GARRE1: variants seen among roughly 807,000 people sequenced by gnomAD.
GARRE1 encodes the protein granule associated Rac and RHOG effector 1, also known as granule associated Rac and RHOG effector protein 1.
GARRE1 carries 49 observed loss-of-function variants against 103.2 expected under a neutral mutation model. That is an observed-to-expected ratio of 0.47 (90% confidence interval 0.38 to 0.60). The LOEUF is 0.60. GARRE1 is among the 20% of genes least tolerant of loss of function. The probability of loss-of-function intolerance (pLI) is 0.00; values close to 1 mark genes in which losing one functional copy is unlikely to be tolerated. For missense variants in GARRE1, 1,199 were observed against 1,370.5 expected, an observed-to-expected ratio of 0.87 and a Z score of 1.98; for synonymous variants, 505 against 532.8, an observed-to-expected ratio of 0.95 and a Z score of 0.72.
chr19:34,321,083 G>A (rs1335514663), intron 3 of GARRE1, among the ~76,000 whole-genome samples: 1 of 121,702 alleles, frequency 8.2e-6, no homozygotes, highest in African/African-American at 3.3e-5. Flanking sequence ...TTGAGACGGA[G>A]TCTCGCTCTG....
intron 1 of GARRE1, among the ~76,000 whole-genome samples, chr19:34,286,103 A>G (rs992461867): frequency 3.3e-5 from 5 of 152,228 alleles, no homozygotes; most frequent in African/African-American, 1.2e-4. Flanking sequence ...AAGCCGAGAC[A>G]GGTGGATTGC....
intron 1 of GARRE1, among the ~76,000 whole-genome samples, chr19:34,275,523 A>T (rs1335418229): frequency 1.3e-5 from 2 of 152,028 alleles, no homozygotes; most frequent in African/African-American, 4.8e-5. Context: ...CACTTAGCAT[A>T]ATGTTTTCAA....
chr19:34,312,289 G>A (rs1168318989), intron 2 of GARRE1, among the ~76,000 whole-genome samples: 1 of 152,154 alleles, frequency 6.6e-6, no homozygotes, highest in Non-Finnish European at 1.5e-5. Context: ...TTTTACTGTG[G>A]TAAAATATAT....
chr19:34,351,441 A>T (rs578147857), intron 12 of GARRE1, 73 bp from the exon 13 acceptor site: 1 of 1,137,218 alleles, frequency 8.8e-7, no homozygotes, highest in South Asian at 1.2e-5. Flanking sequence ...GGAGCCTAGC[A>T]CTAGTGTGTA....
intron 1 of GARRE1, among the ~76,000 whole-genome samples, chr19:34,267,473 T>C (rs2145955223): frequency 6.6e-6 from 1 of 152,100 alleles, no homozygotes; most frequent in South Asian, 2.1e-4. Flanking sequence ...CCCAAAGTGC[T>C]GGGATTACAG....
At chr19:34,298,553 A>G (rs2073959618) in intron 1 of GARRE1, among the ~76,000 whole-genome samples, 1 of 151,914 alleles carries the variant, frequency 6.6e-6, no homozygotes, top group Admixed American at 6.6e-5. Context: ...TCTCTACTAA[A>G]AGTACAAAAA....
chr19:34,316,340 A>G (rs973262791), intron 2 of GARRE1, among the ~76,000 whole-genome samples: 5 of 152,260 alleles, frequency 3.3e-5, no homozygotes, highest in African/African-American at 1.2e-4. Context: ...AGCTTCCCCC[A>G]TGTGTTCTGC....
intron 1 of GARRE1, among the ~76,000 whole-genome samples, chr19:34,287,931 A>G (rs1158143552): frequency 1.3e-5 from 2 of 152,234 alleles, no homozygotes; most frequent in Non-Finnish European, 1.5e-5. Context: ...GGAAACATTC[A>G]GTCCGTAACA....
rs2073974381 is a variant in GARRE1 at position 34,300,777 on chromosome 19, A to C, written c.304A>C (p.Ser102Arg). ...CAGTACTTTCCTCACAGATCTCTTC[A>C]GCACTGTGTTCAGGAACTCTCACTA... ...RASTFLTDLFSTVFRNSHYSK... is the reference protein window; with the variant it reads ...RASTFLTDLFRTVFRNSHYSK... Residue 102 changes from serine (S) to arginine (R), a missense_variant, in exon 2 of 14, where the codon AGC (serine) becomes CGC (arginine). Coordinates refer to ENST00000299505, the MANE Select transcript of GARRE1 (RefSeq NM_014686.5). The C allele has an allele frequency of 6.2e-7, 1 of 1,614,116 alleles. No individual in the cohort carries two copies. Among genetic ancestry groups the C allele is most frequent in the South Asian group, 1.1e-5 (1 of 91,092 alleles).
intron 8 of GARRE1, among the ~76,000 whole-genome samples, chr19:34,334,819 C>T (rs1191970551): frequency 1.3e-5 from 2 of 152,070 alleles, no homozygotes. Flanking sequence ...TTTGGAAGGC[C>T]GAGGCGGCCA....
At chr19:34,266,000 GTAT>G (rs1230636593) in intron 1 of GARRE1, among the ~76,000 whole-genome samples, 6 of 152,174 alleles carry the variant, frequency 3.9e-5, no homozygotes, top group Non-Finnish European at 5.9e-5. Context: ...AAGTTTCTTT[GTAT>G]TGGAGCATCT....
chr19:34,341,279 C>T, intron 9 of GARRE1, 143 bp from the exon 10 acceptor site: 1 of 667,432 alleles, frequency 1.5e-6, no homozygotes. Flanking sequence ...CCTGGGTGTT[C>T]ATTTATATAT....
At chr19:34,325,051 C>T (rs1291576206) in intron 3 of GARRE1, among the ~76,000 whole-genome samples, 1 of 151,734 alleles carries the variant, frequency 6.6e-6, no homozygotes, top group African/African-American at 2.4e-5. Flanking sequence ...CTTTCAACAA[C>T]TTTCAGCAGC....
Position 34,353,017 on chromosome 19 carries a change from T to G in GARRE1, c.*62T>G. On this transcript the variant is annotated 3_prime_UTR_variant, in exon 14 of 14. Coordinates refer to ENST00000299505, the MANE Select transcript of GARRE1 (RefSeq NM_014686.5). ...CCGCCCAGAGCTGTGGGGATGAGTG[T>G]CCCCACCCCAGGGCCACTTAGCTGA... is the stretch of plus-strand genomic sequence containing the variant. 1 of 1,412,570 alleles carries G rather than the reference T, an allele frequency of 7.1e-7. No individual in the cohort carries two copies. The highest frequency in any genetic ancestry group is 9.4e-7 in the Non-Finnish European group (1 of 1,058,620). 87.5% of individuals were successfully genotyped at this position (1,412,570 alleles called of 1,614,324 possible). A position where few individuals can be genotyped will look rare whatever the true frequency, so the allele number is the denominator to read the frequency against.
intron 1 of GARRE1, among the ~76,000 whole-genome samples, chr19:34,259,734 A>C (rs2073703453): frequency 6.6e-6 from 1 of 152,154 alleles, no homozygotes; most frequent in Non-Finnish European, 1.5e-5. Flanking sequence ...GCAGAATGAT[A>C]TGGTTAGGCT....
intron 10 of GARRE1, among the ~76,000 whole-genome samples, chr19:34,344,386 C>G (rs1401809909): frequency 6.6e-6 from 1 of 151,770 alleles, no homozygotes; most frequent in African/African-American, 2.4e-5. Context: ...GTCAGGAGAT[C>G]GAGACCATCC....
Position 34,300,836 on chromosome 19 carries a change from G to A in GARRE1, c.363G>A (p.Gln121=). Residue 121 remains glutamine, a synonymous_variant, in exon 2 of 14, where the codon CAG becomes CAA. Coordinates refer to ENST00000299505, the MANE Select transcript of GARRE1 (RefSeq NM_014686.5). ...SKAATQLKDV[Q]EHVMEAASRL... ...CAGCCACACAGCTCAAAGATGTGCA[G>A]GAGCATGTCATGGAAGCAGCCAGTC... The A allele has an allele frequency of 6.2e-7, 1 of 1,614,174 alleles. No individual in the cohort carries two copies. Among genetic ancestry groups the A allele is most frequent in the Non-Finnish European group, 8.5e-7 (1 of 1,180,048 alleles).
intron 7 of GARRE1, among the ~76,000 whole-genome samples, chr19:34,332,630 A>G (rs1034678367): frequency 6.6e-6 from 1 of 152,168 alleles, no homozygotes; most frequent in African/African-American, 2.4e-5. Context: ...GTTTTTTCCA[A>G]AGGTCATTGC....
chr19:34,261,114 C>A (rs2073715198), intron 1 of GARRE1, among the ~76,000 whole-genome samples: 1 of 152,210 alleles, frequency 6.6e-6, no homozygotes, highest in South Asian at 2.1e-4. Context: ...TCTGTCCTCC[C>A]AGTACCATCT....
Sources: allele counts gnomAD v4.1 joint callset (sites outside exome capture counted in the v4.1 genomes callset), GRCh38; gene constraint gnomAD v4.1.1; transcripts MANE v1.5; gene names NCBI Gene and HGNC (gene_info 2026-07-23, HGNC 2026-07-21).